GTF3C4: variants seen among roughly 807,000 people sequenced by gnomAD.
GTF3C4 encodes the protein general transcription factor 3C polypeptide 4.
GTF3C4 carries 28 observed loss-of-function variants against 67.5 expected under a neutral mutation model. That is an observed-to-expected ratio of 0.41 (90% CI 0.31 to 0.57). The LOEUF is 0.57. GTF3C4 is among the 20% of genes least tolerant of loss of function. The pLI is 0.21. For synonymous variants in GTF3C4, 409 were observed against 393.0 expected (o/e 1.04, Z -0.48); for missense variants, 831 against 1,033.2 (o/e 0.80, Z 2.68).
rs1028873172 is a variant in GTF3C4, at chr9:132,670,675, G to A, written c.77G>A (p.Gly26Glu). The change falls in exon 1 of 5, where the codon GGG becomes GAG. Residue 26 changes from glycine (G) to glutamate (E), a missense_variant. This residue lies in a region of GTF3C4 where 237 missense variants were observed against 212.7 expected (regional missense o/e 1.11). Transcript: ENST00000372146. ...CCGTCTGGGGAGGAGGAGGGAGAGG[G>A]GGGCGGCGAGGCGGGCGGGAAGGAG... is the stretch of plus-strand genomic sequence containing the variant. ...PAPSGEEEGEGGGEAGGKEPA... is the reference protein window; with the variant it reads ...PAPSGEEEGEEGGEAGGKEPA... 2 of 1,509,134 alleles carry A rather than the reference G, an allele frequency of 1.3e-6. No homozygotes were observed. The allele number at this position is 1,509,134 out of a possible 1,614,324, so 93.5% of individuals were successfully genotyped here. A position where few individuals can be genotyped will look rare whatever the true frequency, so the allele number is the denominator to read the frequency against.
intron 2 of GTF3C4, among the ~76,000 whole-genome samples, chr9:132,681,511 G>A (rs1398634162): frequency 1.3e-5 from 2 of 152,148 alleles, no homozygotes; most frequent in South Asian, 2.1e-4. Context: ...TATCAGCCTA[G>A]TATGCTAGTA....
chr9:132,692,739 C>CA lies in GTF3C4; in HGVS notation c.*3796dup, dbSNP rs1451516905. 6.6e-6 allele frequency: 1 copy of CA among 152,146 alleles called. No individual in the cohort carries two copies. Among genetic ancestry groups the CA allele is most frequent in the African/African-American group, 2.4e-5 (1 of 41,406 alleles). 9.4% of individuals were successfully genotyped at this position (152,146 alleles called of 1,614,324 possible). Reference sequence around the variant, plus strand: ...GTCTCAAGAATGGAACCTTTGCCTTCAAGGTTGGGTCATCAAAAATCCCTC... The same window carrying CA: ...GTCTCAAGAATGGAACCTTTGCCTTCAAAGGTTGGGTCATCAAAAATCCCTC... On this transcript the variant is annotated 3_prime_UTR_variant, in exon 5 of 5. Coordinates refer to ENST00000372146, the MANE Select transcript of GTF3C4 (RefSeq NM_012204.4).
At position 132,679,635 on chromosome 9, in the gene GTF3C4, C is replaced by A. The variant is rs775756674; in HGVS notation, c.2016C>A (p.Ile672=). ...CAATGGAAGAGAAACTCCTGGAAAT[C>A]CAAGGGAAAATCGAAGCTGTGGAGA... ...REPMEEKLLE[I]QGKIEAVEMH... The change falls in exon 2 of 5, where the codon ATC becomes ATA. Residue 672 remains isoleucine (I), a synonymous_variant. Transcript: ENST00000372146. This position sits in a 1 kb window ranked among gnomAD's most constrained non-coding sequence, Gnocchi z 5.9. The A allele has an allele frequency of 3.1e-6, 5 of 1,613,966 alleles. No homozygotes were observed. The African/African-American group carries it at 6.7e-5, about 22-fold the overall frequency.
chr9:132,671,738 C>G (rs1835771368), intron 1 of GTF3C4, among the ~76,000 whole-genome samples: 1 of 152,108 alleles, frequency 6.6e-6, no homozygotes, highest in African/African-American at 2.4e-5. Context: ...TTCATACATT[C>G]AATAGATATT....
chr9:132,673,164 C>T (rs80297152), intron 1 of GTF3C4, among the ~76,000 whole-genome samples: 1 of 152,034 alleles, frequency 6.6e-6, no homozygotes, highest in Admixed American at 6.6e-5. Context: ...GCCTGGGCGA[C>T]AGAGCCAGAC....
chr9:132,671,814 C>T (rs950104891), intron 1 of GTF3C4, among the ~76,000 whole-genome samples: 3 of 152,140 alleles, frequency 2.0e-5, no homozygotes, highest in African/African-American at 7.2e-5. Flanking sequence ...AACAGAACCC[C>T]TGCCCTCATG....
In GTF3C4 at chr9:132,688,794, G is replaced by A. The variant is rs942192819; in HGVS notation, c.2405-87G>A. The A allele has an allele frequency of 2.0e-5, 19 of 942,250 alleles. 1 individual carries two copies. In the South Asian group the frequency reaches 2.1e-4, roughly 10 times the overall value. 58.4% of individuals were successfully genotyped at this position (942,250 alleles called of 1,614,324 possible). On this transcript the variant is annotated intron_variant, in intron 4 of 4. Coordinates refer to ENST00000372146, the MANE Select transcript of GTF3C4 (RefSeq NM_012204.4). Reference sequence around the variant, plus strand: ...TTGCAGAGGTGGGACCAGAATGCCCGTCTCTCAACGCTACAGTCCGGTATT... The same window carrying A: ...TTGCAGAGGTGGGACCAGAATGCCCATCTCTCAACGCTACAGTCCGGTATT...
At chr9:132,671,050 G>A in intron 1 of GTF3C4, 95 bp downstream of exon 1, 1 of 849,440 alleles carries the variant, frequency 1.2e-6, no homozygotes, top group South Asian at 1.4e-5. Context: ...CACTCTGTCC[G>A]GGGATTTCCC....
At chr9:132,672,955 C>T (rs1410374302) in intron 1 of GTF3C4, among the ~76,000 whole-genome samples, 2 of 152,000 alleles carry the variant, frequency 1.3e-5, no homozygotes, top group African/African-American at 4.8e-5. Context: ...GAGGCCGAGG[C>T]GAGCGGATCA....
chr9:132,682,938 T>A (rs1437695890), intron 2 of GTF3C4, among the ~76,000 whole-genome samples: 2 of 152,064 alleles, frequency 1.3e-5, no homozygotes, highest in Non-Finnish European at 2.9e-5. Context: ...AAAGCAAAAC[T>A]GAAGCAAAGA....
chr9:132,681,400 AC>A lies in GTF3C4; in HGVS notation c.2184+1599del, dbSNP rs767228200. 2.6e-5 allele frequency among the ~76,000 whole-genome samples: 4 copies of A among 152,314 alleles called. No homozygotes were observed. In the South Asian group the frequency reaches 6.2e-4, roughly 24 times the overall value. On this transcript the variant is annotated intron_variant, in intron 2 of 4. Coordinates refer to ENST00000372146, the MANE Select transcript of GTF3C4 (RefSeq NM_012204.4). ...TTTATAGCAACTGAGTTTATTGAAG[AC>A]CACGCATTCCTGTCTTAAAAATCCA...
At chr9:132,671,799 T>A (rs1392997337) in intron 1 of GTF3C4, among the ~76,000 whole-genome samples, 1 of 152,186 alleles carries the variant, frequency 6.6e-6, no homozygotes, top group Non-Finnish European at 1.5e-5. Context: ...TAAAGCAGTG[T>A]ACAAAACAGA....
intron 2 of GTF3C4, among the ~76,000 whole-genome samples, chr9:132,681,123 C>A (rs1050882633): frequency 1.3e-5 from 2 of 152,072 alleles, no homozygotes; most frequent in Admixed American, 6.5e-5. Context: ...AATTTTTAAA[C>A]GTTGTTTCAT....
chr9:132,674,876 T>A (rs1406655117), intron 1 of GTF3C4, among the ~76,000 whole-genome samples: 3 of 152,082 alleles, frequency 2.0e-5, no homozygotes, highest in Admixed American at 1.3e-4. Context: ...CAAAAAATTT[T>A]AAAAATTAGC....
At position 132,693,684 on chromosome 9, in the gene GTF3C4, A is replaced by C. The variant is rs1381804288; in HGVS notation, c.*4739A>C. 2 of 152,224 alleles carry C rather than the reference A, an allele frequency of 1.3e-5. No individual in the cohort carries two copies. Among genetic ancestry groups the C allele is most frequent in the South Asian group, 4.2e-4 (2 of 4,818 alleles). The allele number at this position is 152,224 out of a possible 1,614,324, so 9.4% of individuals were successfully genotyped here. On this transcript the variant is annotated 3_prime_UTR_variant, in exon 5 of 5. Transcript: ENST00000372146. Reference sequence around the variant, plus strand: ...AAATCCTGTAAAATGGTCAAATTGGATAATGTAAGAGATAATGATGGCTTT... The same window carrying C: ...AAATCCTGTAAAATGGTCAAATTGGCTAATGTAAGAGATAATGATGGCTTT...
Position 132,690,517 on chromosome 9 carries a change from A to C in GTF3C4, c.*1572A>C, listed in dbSNP as rs1296765821. 1 of 139,910 alleles carries C rather than the reference A, an allele frequency of 7.1e-6. No homozygotes were observed. Among genetic ancestry groups the C allele is most frequent in the African/African-American group, 2.7e-5 (1 of 36,504 alleles). 8.7% of individuals were successfully genotyped at this position (139,910 alleles called of 1,614,324 possible). A position where few individuals can be genotyped will look rare whatever the true frequency, so the allele number is the denominator to read the frequency against. The stretch of plus-strand genomic sequence containing the variant: ...CTCCCCACCCCCACCCCGCATTGAT[A>C]GGTAGTGCAGACCAGCCCTTGGAGG... On this transcript the variant is annotated 3_prime_UTR_variant, in exon 5 of 5. Transcript: ENST00000372146.
chr9:132,671,602 A>G (rs1037107149), intron 1 of GTF3C4, among the ~76,000 whole-genome samples: 3 of 152,214 alleles, frequency 2.0e-5, no homozygotes, highest in African/African-American at 7.2e-5. Context: ...ACAACTACCT[A>G]TCTTAAACTT....
chr9:132,677,531 C>T (rs1272058917), intron 1 of GTF3C4, among the ~76,000 whole-genome samples: 1 of 152,152 alleles, frequency 6.6e-6, no homozygotes, highest in Non-Finnish European at 1.5e-5. Flanking sequence ...AAGAACTAGG[C>T]AAGGGAGCCG....
rs1397739619 is a variant in GTF3C4, at chr9:132,689,510, T to C, written c.*565T>C. 1.3e-5 allele frequency: 2 copies of C among 152,562 alleles called. No homozygotes were observed. Among genetic ancestry groups the C allele is most frequent in the Non-Finnish European group, 2.9e-5 (2 of 68,286 alleles). 9.5% of individuals were successfully genotyped at this position (152,562 alleles called of 1,614,324 possible). On this transcript the variant is annotated 3_prime_UTR_variant, in exon 5 of 5. Transcript: ENST00000372146. The stretch of plus-strand genomic sequence containing the variant: ...CCTCCATTCTTGTTTTTTATGCATA[T>C]GGAAAACATTTTCCTAAAACTCTAT...
Sources: gnomAD v4.1 joint callset for allele counts (sites outside exome capture counted in the v4.1 genomes callset) on GRCh38, gnomAD v4.1.1 for gene constraint, gnomAD v4.1.1 regional missense constraint, Gnocchi (gnomAD v3.1) non-coding constraint, MANE v1.5 for transcripts, NCBI Gene and HGNC (gene_info 2026-07-23, HGNC 2026-07-21) for gene names.